The following KAT7 variants were observed in gnomAD, a reference collection of about 807,000 sequenced individuals.
KAT7 encodes the protein lysine acetyltransferase 7, also known as histone acetyltransferase KAT7.
In KAT7, 10 loss-of-function variants were observed where a neutral mutation model predicts 82.1. That is an observed-to-expected ratio of 0.12 (90% CI 0.08 to 0.21). The LOEUF is 0.21. KAT7 is among the 10% of genes least tolerant of loss of function. The pLI, the probability that KAT7 is intolerant of heterozygous loss-of-function variation, is 1.00. For synonymous variants in KAT7, 250 were observed against 262.5 expected (o/e 0.95, Z 0.46); for missense variants, 378 against 760.9 (o/e 0.50, Z 5.92).
chr17:49,792,331 C>T (rs1002691583), intron 2 of KAT7, among the ~76,000 whole-genome samples: 1 of 152,084 alleles, frequency 6.6e-6, no homozygotes, highest in Non-Finnish European at 1.5e-5. Flanking sequence ...ATCGCAGTGT[C>T]TCCATCAGTA....
In KAT7 at chr17:49,796,746, T is replaced by C. The variant is rs757673958; in HGVS notation, c.164-4T>C. 6.5e-7 allele frequency: 1 copy of C among 1,542,008 alleles called. No individual in the cohort carries two copies. Among genetic ancestry groups the C allele is most frequent in the Non-Finnish European group, 8.8e-7 (1 of 1,138,774 alleles). ...TCTTTATTTTCTTTTAAAATTGGGA[T>C]CAGATTCCAGTCCTGTTCGAAATCT... On this transcript the variant is annotated splice_polypyrimidine_tract_variant and splice_region_variant and intron_variant, in intron 2 of 14. Coordinates refer to ENST00000259021, the MANE Select transcript of KAT7 (RefSeq NM_007067.5).
At chr17:49,823,693 A>G (rs2074333821) in intron 12 of KAT7, 1 of 155,870 alleles carries the variant, frequency 6.4e-6, no homozygotes. Flanking sequence ...CTCTGCCCTC[A>G]TTAATTGTGG....
At chr17:49,808,930 T>G (rs901773433) in intron 5 of KAT7, among the ~76,000 whole-genome samples, 189 bp from the exon 6 acceptor site, 3 of 152,246 alleles carry the variant, frequency 2.0e-5, no homozygotes, top group Non-Finnish European at 4.4e-5. Flanking sequence ...TCTGATCCTG[T>G]TATTGGCTGA....
intron 5 of KAT7, among the ~76,000 whole-genome samples, chr17:49,806,757 A>C (rs182934036): frequency 1.3e-5 from 2 of 152,392 alleles, no homozygotes; most frequent in Admixed American, 1.3e-4. Context: ...TTTTAGAAAA[A>C]GAAAAATTTC....
At chr17:49,820,172 C>T (rs1598084932) in intron 9 of KAT7, among the ~76,000 whole-genome samples, 1 of 152,134 alleles carries the variant, frequency 6.6e-6, no homozygotes, top group Non-Finnish European at 1.5e-5. Context: ...TCTTTTGAGC[C>T]CAGGAGTTCG....
chr17:49,803,038 A>G lies in KAT7; in HGVS notation c.581-2325A>G, dbSNP rs1466094510. Among the ~76,000 whole-genome samples, 5 of 149,240 alleles carry G rather than the reference A, an allele frequency of 3.4e-5. No individual in the cohort carries two copies. In the South Asian group the frequency reaches 6.4e-4, roughly 19 times the overall value. ...AGCCACTGAGCCCAGCTGATGCTAC[A>G]TTGTATGTATGGTATTTGATCAGTG... On this transcript the variant is annotated intron_variant, in intron 4 of 14. Coordinates refer to ENST00000259021, the MANE Select transcript of KAT7 (RefSeq NM_007067.5).
chr17:49,816,263 T>C (rs964730871), intron 8 of KAT7, among the ~76,000 whole-genome samples: 1 of 152,214 alleles, frequency 6.6e-6, no homozygotes, highest in Non-Finnish European at 1.5e-5. Context: ...TCTCTGTTGT[T>C]TTCTTAATCC....
rs1294271502 is a variant in KAT7 at position 49,821,322 on chromosome 17, T to A, written c.1156-15T>A. ...GAGGCTTTGGTTCCCTGATGTGAAT[T>A]TCATTGTCTTGCAGGCCAAATGTGT... is the stretch of plus-strand genomic sequence containing the variant. On this transcript the variant is annotated splice_polypyrimidine_tract_variant and intron_variant, in intron 9 of 14. Coordinates refer to ENST00000259021, the MANE Select transcript of KAT7 (RefSeq NM_007067.5). 6.2e-7 allele frequency: 1 copy of A among 1,603,794 alleles called. No homozygotes were observed. The highest frequency in any genetic ancestry group is 1.3e-5 in the African/African-American group (1 of 74,584).
intron 2 of KAT7, among the ~76,000 whole-genome samples, chr17:49,793,719 C>T (rs995256530): frequency 6.6e-6 from 1 of 151,884 alleles, no homozygotes; most frequent in Admixed American, 6.6e-5. Flanking sequence ...ACTACAGGTG[C>T]ACGCCACCGT....
chr17:49,809,071 C>T (rs370833852), intron 5 of KAT7, 48 bp from the exon 6 acceptor site: 20 of 1,415,780 alleles, frequency 1.4e-5, no homozygotes, highest in East Asian at 4.6e-5. Flanking sequence ...TTTAAGTAAA[C>T]GTAGTCTTAG....
In KAT7 at chr17:49,792,027, T is replaced by C. The variant is rs1163214210; in HGVS notation, c.157T>C (p.Ser53Pro). Residue 53 changes from serine to proline, a missense_variant, in exon 2 of 15, where the codon TCT (serine) becomes CCT (proline). Ser to Pro is a moderately conservative substitution (Grantham distance 74, BLOSUM62 -1). This residue lies in a region of KAT7 where 161 missense variants were observed against 229.6 expected (regional missense o/e 0.70). Transcript: ENST00000259021. The part of the protein sequence containing the change: ...TRSSARLSQS[S>P]QDSSPVRNLQ... ...CTCCTCAGCCAGGCTAAGCCAGAGT[T>C]CTCAAGGTAAAAAAACCTTCATTTT... The C allele has an allele frequency of 4.3e-6, 7 of 1,613,604 alleles. No homozygotes were observed. Among genetic ancestry groups the C allele is most frequent in the Non-Finnish European group, 5.9e-6 (7 of 1,179,790 alleles).
chr17:49,811,365 C>G, intron 6 of KAT7, 111 bp from the exon 7 acceptor site: 1 of 484,994 alleles, frequency 2.1e-6, no homozygotes, highest in East Asian at 3.4e-5. Context: ...CCTTGGCCTC[C>G]CAAAGTGCTG....
chr17:49,796,238 G>A (rs1360487651), intron 2 of KAT7, among the ~76,000 whole-genome samples: 6 of 152,126 alleles, frequency 3.9e-5, no homozygotes, highest in South Asian at 4.1e-4. Context: ...AAAGGAAATC[G>A]TTTTGTTTGT....
At position 49,834,347 on chromosome 17, in the gene KAT7, C is replaced by G. The variant is rs994414443; in HGVS notation, c.*6845C>G. ...TATTTTCAGTAGAGACGAGGTTTCG[C>G]CGTGTTGCCCAGGCTGGTTCAAGCG... On this transcript the variant is annotated 3_prime_UTR_variant, in exon 15 of 15. Coordinates refer to ENST00000259021, the MANE Select transcript of KAT7 (RefSeq NM_007067.5). 4.6e-5 allele frequency: 7 copies of G among 152,298 alleles called. No individual in the cohort carries two copies. Among genetic ancestry groups the G allele is most frequent in the African/African-American group, 1.4e-4 (6 of 41,444 alleles). 9.4% of individuals were successfully genotyped at this position (152,298 alleles called of 1,614,324 possible).
intron 9 of KAT7, 24 bp from the exon 10 acceptor site, chr17:49,821,313 G>A (rs1343715772): frequency 6.3e-7 from 1 of 1,582,264 alleles, no homozygotes; most frequent in South Asian, 1.1e-5. Context: ...TTGGTTCCCT[G>A]ATGTGAATTT....
At chr17:49,809,564 C>G (rs766157935) in intron 6 of KAT7, among the ~76,000 whole-genome samples, 2 of 152,180 alleles carry the variant, frequency 1.3e-5, no homozygotes, top group Non-Finnish European at 2.9e-5. Flanking sequence ...TCCAAGGCCA[C>G]CAGTGACTTT....
At chr17:49,822,290 T>A (rs896247434) in intron 11 of KAT7, among the ~76,000 whole-genome samples, 2 of 151,816 alleles carry the variant, frequency 1.3e-5, no homozygotes, top group East Asian at 3.9e-4. Context: ...TACAGAGGTA[T>A]GACCTTGACT....
chr17:49,810,640 G>A (rs901413711), intron 6 of KAT7, among the ~76,000 whole-genome samples: 6 of 152,146 alleles, frequency 3.9e-5, no homozygotes, highest in Non-Finnish European at 7.4e-5. Context: ...AGATCAATAA[G>A]CATTAATTGG....
chr17:49,831,957 C>T lies in KAT7; in HGVS notation c.*4455C>T, dbSNP rs762794961. On this transcript the variant is annotated 3_prime_UTR_variant, in exon 15 of 15. Transcript: ENST00000259021. Reference sequence around the variant, plus strand: ...TACAGGCGTGAGCCATTGCACCCAGCCATTTTTTTTTTTTTTAAGACGACG... The same window carrying T: ...TACAGGCGTGAGCCATTGCACCCAGTCATTTTTTTTTTTTTTAAGACGACG... 1 of 150,348 alleles carries T rather than the reference C, an allele frequency of 6.7e-6. No homozygotes were observed. Among genetic ancestry groups the T allele is most frequent in the Non-Finnish European group, 1.5e-5 (1 of 67,902 alleles). The allele number at this position is 150,348 out of a possible 1,614,324, so 9.3% of individuals were successfully genotyped here.
Sources: gnomAD v4.1 joint callset for allele counts (sites outside exome capture counted in the v4.1 genomes callset) on GRCh38, gnomAD v4.1.1 for gene constraint, gnomAD v4.1.1 regional missense constraint, MANE v1.5 for transcripts, NCBI Gene and HGNC (gene_info 2026-07-23, HGNC 2026-07-21) for gene names.